TJAP1: variants seen among roughly 807,000 people sequenced by gnomAD.
TJAP1 encodes tight junction-associated protein 1.
A neutral mutation model predicts 42.0 loss-of-function variants in TJAP1; 27 were observed. That is an observed-to-expected ratio of 0.64 (90% CI 0.47 to 0.89). TJAP1 has a LOEUF of 0.89. Ranked by LOEUF, TJAP1 falls within the 40% of genes least tolerant of loss-of-function variation. TJAP1 has a pLI of 0.00. For synonymous variants in TJAP1, 257 were observed against 288.4 expected (o/e 0.89, Z 1.10); for missense variants, 712 against 726.9 (o/e 0.98, Z 0.24).
At chr6:43,502,833 T>C in intron 8 of TJAP1, 1 of 623,284 alleles carries the variant, frequency 1.6e-6, no homozygotes, top group African/African-American at 1.8e-5. Context: ...AGGTACTGAT[T>C]GATGTCTCCA....
intron 10 of TJAP1, 94 bp downstream of exon 10, chr6:43,503,800 C>T (rs1343584144): frequency 8.8e-7 from 1 of 1,140,052 alleles, no homozygotes; most frequent in Non-Finnish European, 1.3e-6. Context: ...CTCTGTCCTC[C>T]TCTTCCCACT....
chr6:43,502,194 A>C, intron 6 of TJAP1, 89 bp from the exon 7 acceptor site: 1 of 1,329,380 alleles, frequency 7.5e-7, no homozygotes. Flanking sequence ...GGAGAATGAC[A>C]TGTTCAAGAT....
At chr6:43,486,810 TGCTCACAGCCAGA>T (rs1786645889) in intron 2 of TJAP1, among the ~76,000 whole-genome samples, 1 of 152,192 alleles carries the variant, frequency 6.6e-6, no homozygotes, top group Admixed American at 6.5e-5. Flanking sequence ...GCGTACTCAG[TGCTCACAGCCAGA>T]GCTTAATACA....
intron 6 of TJAP1, 55 bp downstream of exon 6, chr6:43,501,742 ACAC>A: frequency 1.4e-6 from 1 of 691,158 alleles, no homozygotes; most frequent in East Asian, 2.8e-5. Flanking sequence ...ACACACACAC[ACAC>A]ACACACACAC....
At chr6:43,489,483 C>T in intron 2 of TJAP1, 1 of 152,492 alleles carries the variant, frequency 6.6e-6, no homozygotes, top group East Asian at 1.9e-4. Flanking sequence ...GCTTCTCTCC[C>T]AGCCCCTCAG....
Position 43,505,791 on chromosome 6 carries a change from T to C in TJAP1, c.1610T>C (p.Val537Ala), listed in dbSNP as rs567650828. The C allele has an allele frequency of 2.7e-6, 4 of 1,505,334 alleles. No individual in the cohort carries two copies. Among genetic ancestry groups the C allele is most frequent in the Non-Finnish European group, 3.5e-6 (4 of 1,130,902 alleles). The allele number at this position is 1,505,334 out of a possible 1,614,324, so 93.2% of individuals were successfully genotyped here. ...CAGCGCAGCCCCAAGAGGATGGGGG[T>C]TCACCACCTGCACCGCAAGGACAGC... Residue 537 changes from valine to alanine, a missense_variant, in exon 11 of 11, where the codon GTT becomes GCT. Val to Ala is a moderately conservative substitution (Grantham distance 64). This residue lies in a region of TJAP1 where 549 missense variants were observed against 528.2 expected (regional missense o/e 1.04). Transcript: ENST00000372449. The surrounding 1 kb of genome is among the most constrained non-coding windows in gnomAD (Gnocchi z 5.5).
chr6:43,500,649 T>G, intron 4 of TJAP1, 95 bp from the exon 5 acceptor site: 1 of 1,433,562 alleles, frequency 7.0e-7, no homozygotes, highest in South Asian at 1.1e-5. Flanking sequence ...GTCTTTGGGC[T>G]TCACACCTGA....
At chr6:43,501,933 T>A (rs1027567860) in intron 6 of TJAP1, among the ~76,000 whole-genome samples, 2,170 of 119,620 alleles carry the variant, frequency 0.018, 100 homozygotes, top group African/African-American at 0.071. Context: ...ACACACTCTC[T>A]CTCTCTCTCT....
At chr6:43,490,299 A>G (rs1787526860) in intron 2 of TJAP1, among the ~76,000 whole-genome samples, 1 of 152,282 alleles carries the variant, frequency 6.6e-6, no homozygotes, top group African/African-American at 2.4e-5. Flanking sequence ...CCGAGTCAGC[A>G]GCGTGCTCTT....
chr6:43,505,922 C>T lies in TJAP1; in HGVS notation c.*67C>T. On this transcript the variant is annotated 3_prime_UTR_variant, in exon 11 of 11. Coordinates refer to ENST00000372449, the Ensembl canonical transcript of TJAP1. The surrounding 1 kb of genome is among the most constrained non-coding windows in gnomAD (Gnocchi z 5.5). The stretch of plus-strand genomic sequence containing the variant: ...AAGGAGTCCCCACACCTTGGCAGCT[C>T]AGGGTCCCCAGTCCAAGCCCTTGAC... 1.4e-6 allele frequency: 2 copies of T among 1,411,894 alleles called. No individual in the cohort carries two copies. Among genetic ancestry groups the T allele is most frequent in the Non-Finnish European group, 1.8e-6 (2 of 1,084,698 alleles). The allele number at this position is 1,411,894 out of a possible 1,614,324, so 87.5% of individuals were successfully genotyped here. A position where few individuals can be genotyped will look rare whatever the true frequency, so the allele number is the denominator to read the frequency against.
chr6:43,501,886 C>T lies in TJAP1; in HGVS notation c.290+199C>T, dbSNP rs115509272. ...GATAAGTTCTGCAGGTGTGGGAATG[C>T]GGGGCCACACACACACACACACACA... On this transcript the variant is annotated intron_variant, in intron 6 of 10. Transcript: ENST00000372449. Among the ~76,000 whole-genome samples, 261 of 124,820 alleles carry T rather than the reference C, an allele frequency of 2.1e-3. 3 individuals are homozygous for T. Among genetic ancestry groups the T allele is most frequent in the African/African-American group, 7.8e-3 (242 of 30,934 alleles). The allele number at this position is 124,820 out of a possible 152,430, so 81.9% of individuals were successfully genotyped here.
At chr6:43,478,555 C>T (rs1784683946) in intron 2 of TJAP1, 1 of 152,246 alleles carries the variant, frequency 6.6e-6, no homozygotes, top group South Asian at 2.1e-4. Flanking sequence ...ATATCCCCAT[C>T]ACTTCTTCAC....
chr6:43,481,021 G>A (rs1021631706), intron 2 of TJAP1, among the ~76,000 whole-genome samples: 1 of 152,060 alleles, frequency 6.6e-6, no homozygotes, highest in African/African-American at 2.4e-5. Flanking sequence ...ACTTAAATAT[G>A]CGTAGTGGCA....
At chr6:43,479,679 A>G (rs950584972) in intron 2 of TJAP1, among the ~76,000 whole-genome samples, 1 of 144,456 alleles carries the variant, frequency 6.9e-6, no homozygotes, top group African/African-American at 2.9e-5. Context: ...AGAAACAACA[A>G]AAAAAGCACT....
intron 6 of TJAP1, among the ~76,000 whole-genome samples, chr6:43,502,049 C>CAT (rs1790947002): frequency 1.1e-5 from 1 of 94,382 alleles, no homozygotes; most frequent in African/African-American, 5.6e-5. Flanking sequence ...AATGCGGGGA[C>CAT]ACACACACAC....
chr6:43,495,712 A>G lies in TJAP1; in HGVS notation c.-121-2169A>G, dbSNP rs571106538. On this transcript the variant is annotated intron_variant, in intron 2 of 10. Coordinates refer to ENST00000372449, the Ensembl canonical transcript of TJAP1. This position sits in a 1 kb window ranked among gnomAD's most constrained non-coding sequence, Gnocchi z 4.6. The stretch of plus-strand genomic sequence containing the variant: ...TGCATTTACTGCCTGTCCCACTGCC[A>G]GCTACCTTCTCAGGATACTCCTTGC... Among the ~76,000 whole-genome samples, 9 of 152,282 alleles carry G rather than the reference A, an allele frequency of 5.9e-5. No individual in the cohort carries two copies. In the East Asian group the frequency reaches 1.5e-3, roughly 26 times the overall value.
intron 2 of TJAP1, among the ~76,000 whole-genome samples, chr6:43,487,905 T>G (rs948658443): frequency 6.6e-6 from 1 of 151,640 alleles, no homozygotes; most frequent in Non-Finnish European, 1.5e-5. Flanking sequence ...GTTTCGCTCT[T>G]GTCACCCAGG....
chr6:43,490,509 C>T (rs1301430129), intron 2 of TJAP1, among the ~76,000 whole-genome samples: 1 of 152,100 alleles, frequency 6.6e-6, no homozygotes, highest in Non-Finnish European at 1.5e-5. Flanking sequence ...GGATAGTGTC[C>T]CTGTTACTCT....
chr6:43,479,361 A>G (rs1010527855), intron 2 of TJAP1, among the ~76,000 whole-genome samples: 14 of 152,368 alleles, frequency 9.2e-5, no homozygotes, highest in Middle Eastern at 3.4e-3. Context: ...AGGTATTTGA[A>G]GAACTGATGA....
Sources: gnomAD v4.1 joint callset for allele counts (sites outside exome capture counted in the v4.1 genomes callset) on GRCh38, gnomAD v4.1.1 for gene constraint, gnomAD v4.1.1 regional missense constraint, Gnocchi (gnomAD v3.1) non-coding constraint, MANE v1.5 for transcripts, NCBI Gene and HGNC (gene_info 2026-07-23, HGNC 2026-07-21) for gene names.